Variants in PPP3CA observed in about 807,000 individuals in gnomAD.
The protein encoded by PPP3CA is protein phosphatase 3 catalytic subunit alpha.
A neutral mutation model predicts 66.5 loss-of-function variants in PPP3CA; 14 were observed. The observed-to-expected ratio is 0.21, with a 90% CI of 0.14 to 0.33. The LOEUF (loss-of-function observed/expected upper bound fraction) is 0.33, where lower values mean the gene tolerates loss of function less well. Among genes scored for constraint, PPP3CA ranks in the 10% least tolerant of loss-of-function variants. The pLI is 1.00. For missense variants in PPP3CA, 317 were observed against 639.5 expected, an observed-to-expected ratio of 0.50 and a Z score of 5.44; for synonymous variants, 232 against 226.2, an observed-to-expected ratio of 1.03 and a Z score of -0.23.
intron 1 of PPP3CA, among the ~76,000 whole-genome samples, chr4:101,250,905 G>A (rs1369076569): frequency 6.6e-6 from 1 of 151,824 alleles, no homozygotes; most frequent in African/African-American, 2.4e-5. Context: ...GATTACCAAG[G>A]GGCTCTTTTC....
At chr4:101,095,052 G>C (rs1008127837) in intron 5 of PPP3CA, among the ~76,000 whole-genome samples, 1 of 151,414 alleles carries the variant, frequency 6.6e-6, no homozygotes, top group African/African-American at 2.4e-5. Context: ...AGTATCTATA[G>C]AGAATGAGGC....
chr4:101,249,783 T>C (rs1330222220), intron 1 of PPP3CA, among the ~76,000 whole-genome samples: 1 of 152,192 alleles, frequency 6.6e-6, no homozygotes, highest in East Asian at 1.9e-4. Flanking sequence ...CTATAATGTA[T>C]TATATCATGT....
At chr4:101,198,900 A>G (rs968110018) in intron 1 of PPP3CA, among the ~76,000 whole-genome samples, 7 of 152,168 alleles carry the variant, frequency 4.6e-5, no homozygotes, top group Non-Finnish European at 1.0e-4. Context: ...GGGGGGACAA[A>G]GGAAAGGAAA....
chr4:101,270,014 G>A (rs1727287974), intron 1 of PPP3CA, among the ~76,000 whole-genome samples: 3 of 152,032 alleles, frequency 2.0e-5, no homozygotes, highest in African/African-American at 7.2e-5. Context: ...TGGAATTAAG[G>A]GCATATAACA....
At chr4:101,217,563 C>T (rs1000529641) in intron 1 of PPP3CA, among the ~76,000 whole-genome samples, 2 of 152,110 alleles carry the variant, frequency 1.3e-5, no homozygotes, top group East Asian at 1.9e-4. Flanking sequence ...TCACCGACTA[C>T]ATAGGTGTGG....
chr4:101,239,797 A>G (rs1226481311), intron 1 of PPP3CA, among the ~76,000 whole-genome samples: 1 of 152,048 alleles, frequency 6.6e-6, no homozygotes, highest in Non-Finnish European at 1.5e-5. Flanking sequence ...CTGCCTCATC[A>G]AAGTCATTAC....
chr4:101,064,018 T>C (rs1383064268), intron 8 of PPP3CA, among the ~76,000 whole-genome samples: 1 of 152,002 alleles, frequency 6.6e-6, no homozygotes, highest in Admixed American at 6.6e-5. Flanking sequence ...AATTATAATC[T>C]ATTATCGTTA....
intron 7 of PPP3CA, 117 bp from the exon 8 acceptor site, chr4:101,080,743 A>G: frequency 2.1e-6 from 1 of 473,000 alleles, no homozygotes; most frequent in Non-Finnish European, 3.6e-6. Flanking sequence ...AGGGCCTCCA[A>G]TCATATAACA....
In PPP3CA at chr4:101,334,173, C is replaced by T. The variant is rs191648964; in HGVS notation, c.58+12566G>A. Among the ~76,000 whole-genome samples, 232 of 151,240 alleles carry T rather than the reference C, an allele frequency of 1.5e-3. 1 individual carries two copies. Among genetic ancestry groups the T allele is most frequent in the African/African-American group, 5.3e-3 (220 of 41,152 alleles). On this transcript the variant is annotated intron_variant, in intron 1 of 13. Transcript: ENST00000394854. ...TTTTGAGGCAGAGTTTCACTCTTGT[C>T]GCCCAGGCTTGAGTGCAATGTCGTG...
At chr4:101,228,885 T>G (rs1485023795) in intron 1 of PPP3CA, among the ~76,000 whole-genome samples, 1 of 151,722 alleles carries the variant, frequency 6.6e-6, no homozygotes, top group Non-Finnish European at 1.5e-5. Flanking sequence ...CCAGAAAGTT[T>G]AGTTGGTGCT....
intron 2 of PPP3CA, among the ~76,000 whole-genome samples, chr4:101,151,030 C>A (rs1365780653): frequency 6.6e-6 from 1 of 152,116 alleles, no homozygotes; most frequent in Admixed American, 6.6e-5. Context: ...ATTATAATAT[C>A]TCAAAATTAA....
intron 6 of PPP3CA, among the ~76,000 whole-genome samples, chr4:101,089,630 C>A (rs571262417): frequency 8.5e-5 from 13 of 152,290 alleles, no homozygotes; most frequent in East Asian, 7.7e-4. Context: ...AACCTAAACA[C>A]CAAATCCAGC....
At chr4:101,166,195 T>C (rs1723688819) in intron 2 of PPP3CA, among the ~76,000 whole-genome samples, 1 of 152,174 alleles carries the variant, frequency 6.6e-6, no homozygotes, top group South Asian at 2.1e-4. Context: ...CACCAACATA[T>C]TCTCTTCCAG....
intron 1 of PPP3CA, among the ~76,000 whole-genome samples, chr4:101,339,360 T>A (rs184089635): frequency 6.6e-6 from 1 of 152,144 alleles, no homozygotes; most frequent in Non-Finnish European, 1.5e-5. Flanking sequence ...TTGTCAGAAA[T>A]TGACCAGCCT....
At chr4:101,242,188 G>A (rs1330419754) in intron 1 of PPP3CA, among the ~76,000 whole-genome samples, 1 of 114,102 alleles carries the variant, frequency 8.8e-6, no homozygotes, top group African/African-American at 3.1e-5. Context: ...TTTACAGACA[G>A]CATTAGCTCA....
chr4:101,057,704 A>G (rs1163965281), intron 10 of PPP3CA, among the ~76,000 whole-genome samples: 4 of 152,174 alleles, frequency 2.6e-5, no homozygotes, highest in African/African-American at 7.2e-5. Context: ...GTAGAACCTA[A>G]TATGTTTTTC....
chr4:101,121,682 A>G (rs1043775552), intron 2 of PPP3CA, among the ~76,000 whole-genome samples: 6 of 152,282 alleles, frequency 3.9e-5, no homozygotes, highest in African/African-American at 1.4e-4. Context: ...AATTAAAAAA[A>G]ATAGTCATTA....
chr4:101,168,347 G>C (rs1057378973), intron 2 of PPP3CA, among the ~76,000 whole-genome samples: 1 of 152,184 alleles, frequency 6.6e-6, no homozygotes, highest in East Asian at 1.9e-4. Context: ...TAAATTTGAG[G>C]TGTGTCTCAC....
chr4:101,336,724 T>C (rs979061736), intron 1 of PPP3CA, among the ~76,000 whole-genome samples: 10 of 152,162 alleles, frequency 6.6e-5, no homozygotes, highest in Non-Finnish European at 1.2e-4. Context: ...TAATCAAGAA[T>C]AAGAAAATAT....
Sources: allele counts gnomAD v4.1 joint callset (sites outside exome capture counted in the v4.1 genomes callset), GRCh38; gene constraint gnomAD v4.1.1; transcripts MANE v1.5; gene names NCBI Gene and HGNC (gene_info 2026-07-23, HGNC 2026-07-21).